ZNF385D: variants seen among roughly 807,000 people sequenced by gnomAD.
ZNF385D encodes the protein zinc finger protein 659.
ZNF385D carries 15 observed loss-of-function variants against 35.8 expected under a neutral mutation model. The observed-to-expected ratio is 0.42, with a 90% confidence interval of 0.28 to 0.64. The LOEUF is 0.64. ZNF385D is among the 30% of genes least tolerant of loss of function. ZNF385D has a pLI of 0.23. For missense variants in ZNF385D, 474 were observed against 494.6 expected (o/e 0.96, Z 0.39); for synonymous variants, 212 against 186.8 (o/e 1.13, Z -1.10).
chr3:21,504,362 G>A (rs2125447665), intron 4 of ZNF385D, among the ~76,000 whole-genome samples: 1 of 147,926 alleles, frequency 6.8e-6, no homozygotes, highest in South Asian at 2.1e-4. Context: ...AGAATCCCCT[G>A]TTTTAATGAG....
At chr3:22,068,481 C>G (rs1187365424) in intron 3 of ZNF385D, among the ~76,000 whole-genome samples, 5 of 152,160 alleles carry the variant, frequency 3.3e-5, no homozygotes, top group African/African-American at 9.6e-5. Context: ...CCCCATTTCT[C>G]TTTCCCTCTT....
intron 3 of ZNF385D, among the ~76,000 whole-genome samples, chr3:21,964,294 C>A (rs970072820): frequency 1.3e-5 from 2 of 149,668 alleles, no homozygotes; most frequent in Non-Finnish European, 3.0e-5. Flanking sequence ...GTGTGAAAAA[C>A]TATAGATATT....
At chr3:21,755,675 T>C (rs767744048), upstream of ZNF385D, among the ~76,000 whole-genome samples, 22 of 152,208 alleles carry the variant, frequency 1.4e-4, no homozygotes, top group Non-Finnish European at 2.6e-4. Context: ...TGCCTTTACT[T>C]GTATGTAACC....
At chr3:21,496,256 A>G (rs1041635470) in intron 4 of ZNF385D, among the ~76,000 whole-genome samples, 1 of 146,980 alleles carries the variant, frequency 6.8e-6, no homozygotes, top group Non-Finnish European at 1.5e-5. Flanking sequence ...AAATAAATAT[A>G]TATATAATTT....
chr3:21,596,634 G>A (rs1387508032), intron 2 of ZNF385D, among the ~76,000 whole-genome samples: 3 of 143,282 alleles, frequency 2.1e-5, no homozygotes, highest in Non-Finnish European at 4.6e-5. Flanking sequence ...GCAACATCAT[G>A]CTTGACTTTT....
chr3:21,480,652 C>T (rs771023329), intron 4 of ZNF385D, among the ~76,000 whole-genome samples: 3 of 152,102 alleles, frequency 2.0e-5, no homozygotes, highest in Non-Finnish European at 4.4e-5. Flanking sequence ...AAATGCGTAA[C>T]ACATATGGCC....
At chr3:21,928,620 G>A (rs921565358) in intron 3 of ZNF385D, among the ~76,000 whole-genome samples, 4 of 152,158 alleles carry the variant, frequency 2.6e-5, no homozygotes, top group African/African-American at 7.2e-5. Flanking sequence ...AAGGAAAATA[G>A]TGGGGAGATA....
At chr3:21,718,430 A>G (rs2068411334) in intron 1 of ZNF385D, among the ~76,000 whole-genome samples, 1 of 152,254 alleles carries the variant, frequency 6.6e-6, no homozygotes, top group South Asian at 2.1e-4. Context: ...ATCTGTAGCC[A>G]CCAGCCAACA....
intron 3 of ZNF385D, among the ~76,000 whole-genome samples, chr3:22,056,643 T>G (rs1158054194): frequency 3.3e-5 from 5 of 152,212 alleles, no homozygotes; most frequent in African/African-American, 1.2e-4. Context: ...GTTTGACAGT[T>G]TTAATTCAAA....
chr3:22,359,765 C>T (rs1696329936), intron 2 of ZNF385D, among the ~76,000 whole-genome samples: 1 of 151,804 alleles, frequency 6.6e-6, no homozygotes, highest in African/African-American at 2.4e-5. Flanking sequence ...GTGTCCTATA[C>T]AGATAGTATA....
At chr3:21,881,795 C>A (rs1698290130) in intron 3 of ZNF385D, among the ~76,000 whole-genome samples, 2 of 151,848 alleles carry the variant, frequency 1.3e-5, no homozygotes, top group South Asian at 4.1e-4. Context: ...ATCATGGGAG[C>A]AGGTAAAAAT....
At chr3:22,022,839 C>T (rs1404231987) in intron 3 of ZNF385D, among the ~76,000 whole-genome samples, 1 of 152,016 alleles carries the variant, frequency 6.6e-6, no homozygotes, top group Non-Finnish European at 1.5e-5. Context: ...ACCAGGAAGG[C>T]AAAACGAATA....
At chr3:21,634,060 G>C (rs528475038) in intron 2 of ZNF385D, among the ~76,000 whole-genome samples, 4 of 152,046 alleles carry the variant, frequency 2.6e-5, no homozygotes, top group South Asian at 2.1e-4. Flanking sequence ...AGCTAAGCAT[G>C]ATGGCACACA....
intron 3 of ZNF385D, among the ~76,000 whole-genome samples, chr3:22,036,831 T>C (rs1698355149): frequency 1.3e-5 from 2 of 150,596 alleles, no homozygotes; most frequent in Non-Finnish European, 3.0e-5. Context: ...CATTTAACAT[T>C]AGGTATATCT....
At chr3:22,213,602 G>A (rs758159153) in intron 2 of ZNF385D, among the ~76,000 whole-genome samples, 10 of 151,980 alleles carry the variant, frequency 6.6e-5, no homozygotes, top group Non-Finnish European at 1.2e-4. Context: ...AAAGTTGAAA[G>A]CTTATTCTAA....
intron 2 of ZNF385D, among the ~76,000 whole-genome samples, chr3:22,181,996 A>AATATTCAGTTTACAGCT (rs1695311645): frequency 7.9e-5 from 12 of 152,186 alleles, no homozygotes; most frequent in Admixed American, 7.9e-4. Flanking sequence ...AAACAAACAT[A>AATATTCAGTTTACAGCT]TGAGTGAGGA....
chr3:21,800,721 TA>T (rs1414669855), intron 3 of ZNF385D, among the ~76,000 whole-genome samples: 2 of 152,202 alleles, frequency 1.3e-5, no homozygotes, highest in Non-Finnish European at 2.9e-5. Flanking sequence ...TGCTGGTGTA[TA>T]AAAATACAGT....
chr3:22,027,609 C>T (rs1697640415), intron 3 of ZNF385D, among the ~76,000 whole-genome samples: 1 of 152,304 alleles, frequency 6.6e-6, no homozygotes, highest in Admixed American at 6.5e-5. Flanking sequence ...CATCAAATCA[C>T]CATGCCACCT....
intron 3 of ZNF385D, among the ~76,000 whole-genome samples, chr3:22,158,240 A>T (rs998561868): frequency 1.3e-5 from 2 of 152,116 alleles, no homozygotes; most frequent in Admixed American, 1.3e-4. Flanking sequence ...GCACACTAGC[A>T]TAAGTAAATT....
Sources: gnomAD v4.1 joint callset for allele counts (sites outside exome capture counted in the v4.1 genomes callset) on GRCh38, gnomAD v4.1.1 for gene constraint, MANE v1.5 for transcripts, NCBI Gene and HGNC (gene_info 2026-07-23, HGNC 2026-07-21) for gene names.